Variants in C2CD3 observed in about 807,000 individuals in gnomAD.
C2CD3 encodes C2 domain-containing protein 3.
C2CD3 carries 148 observed loss-of-function variants against 234.0 expected under a neutral mutation model. The ratio of observed to expected loss-of-function variants is 0.63; its 90% confidence interval spans 0.55 to 0.72. The LOEUF is 0.72. C2CD3 is among the 30% of genes least tolerant of loss of function. C2CD3 has a pLI of 0.00. For synonymous variants in C2CD3, 1,000 were observed against 1,035.4 expected, an observed-to-expected ratio of 0.97 and a Z score of 0.66; for missense variants, 2,577 against 2,811.5, an observed-to-expected ratio of 0.92 and a Z score of 1.89.
intron 7 of C2CD3, 37 bp from the exon 8 acceptor site, chr11:74,123,172 T>C (rs370419950): frequency 1.4e-4 from 218 of 1,546,620 alleles, no homozygotes; most frequent in Non-Finnish European, 1.8e-4. Context: ...AGAATTTTAA[T>C]AGAAGTTTCA....
chr11:74,108,311 C>A (rs1565302857), intron 12 of C2CD3, among the ~76,000 whole-genome samples: 1 of 151,718 alleles, frequency 6.6e-6, no homozygotes, highest in Non-Finnish European at 1.5e-5. Flanking sequence ...CAAAAAGGAC[C>A]TGTATTGTAT....
rs1020455290 is a variant in C2CD3, at chr11:74,074,353, G to A, written c.4851C>T (p.Thr1617=). The A allele has an allele frequency of 5.6e-6, 9 of 1,614,210 alleles. No individual in the cohort carries two copies. Among genetic ancestry groups the A allele is most frequent in the Non-Finnish European group, 6.8e-6 (8 of 1,180,040 alleles). The change falls in exon 24 of 33, where the codon ACC becomes ACT. Residue 1617 remains threonine, a synonymous_variant. Transcript: ENST00000334126. ...CCTGCGTCAGGCGGACTTCAGCTGTGGTGCTGCTGCAGGGGACCTGGGTGG... is the reference window on the plus strand; with the variant it reads ...CCTGCGTCAGGCGGACTTCAGCTGTAGTGCTGCTGCAGGGGACCTGGGTGG... ...PASTQVPCSS[T]TAEVRLTQEG... is the part of the protein sequence containing the mutation.
At chr11:74,045,554 T>G (rs1019950559) in intron 28 of C2CD3, among the ~76,000 whole-genome samples, 8 of 139,528 alleles carry the variant, frequency 5.7e-5, no homozygotes, top group Non-Finnish European at 1.1e-4. Context: ...ATTTAGACCT[T>G]TTTCAATTTT....
intron 20 of C2CD3, 21 bp downstream of exon 20, chr11:74,090,792 G>C (rs1955860554): frequency 6.2e-7 from 1 of 1,613,672 alleles, no homozygotes; most frequent in Non-Finnish European, 8.5e-7. Context: ...CTTGAGAATT[G>C]CTTGTCTCAG....
In C2CD3 at chr11:74,123,125, A is replaced by C. The variant is rs1265814375; in HGVS notation, c.1228T>G (p.Ser410Ala). The C allele has an allele frequency of 1.2e-6, 2 of 1,612,676 alleles. No individual in the cohort carries two copies. Among genetic ancestry groups the C allele is most frequent in the Non-Finnish European group, 1.7e-6 (2 of 1,178,718 alleles). ...AGCCCATCCCAGAAATTGCCTTGGG[A>C]TAATTCAGCACTGCAGAGATAAGAA... is the stretch of plus-strand genomic sequence containing the variant. ...IQLLLGSAEL[S>A]QGNFWDGLGS... is the part of the protein sequence containing the mutation. Residue 410 changes from serine (S) to alanine (A), a missense_variant, in exon 8 of 33, where the codon TCC becomes GCC. Ser to Ala is a moderately conservative substitution (Grantham distance 99). Coordinates refer to ENST00000334126, the MANE Select transcript of C2CD3 (RefSeq NM_001286577.2).
intron 3 of C2CD3, among the ~76,000 whole-genome samples, chr11:74,149,350 T>A (rs969517382): frequency 3.0e-5 from 4 of 135,406 alleles, no homozygotes; most frequent in African/African-American, 9.4e-5. Context: ...TTTTCTCATT[T>A]GCTTAGTTAA....
chr11:74,145,161 T>C (rs1015992725), intron 3 of C2CD3, among the ~76,000 whole-genome samples: 1 of 152,202 alleles, frequency 6.6e-6, no homozygotes, highest in Admixed American at 6.5e-5. Flanking sequence ...TCCAGAACGG[T>C]TGAACTGATT....
chr11:74,085,841 G>C lies in C2CD3; in HGVS notation c.3687C>G (p.Val1229=). The C allele has an allele frequency of 6.2e-7, 1 of 1,614,048 alleles. No individual in the cohort carries two copies. Among genetic ancestry groups the C allele is most frequent in the South Asian group, 1.1e-5 (1 of 91,062 alleles). The change falls in exon 21 of 33, where the codon GTC becomes GTG. Residue 1229 remains valine (V), a synonymous_variant. Transcript: ENST00000334126. ...REPALQFSAT[V]GVNASVTTHL... is the part of the protein sequence containing the mutation. ...GAGTGGTGACAGAGGCATTGACCCC[G>C]ACTGTGGCACTAAACTGTAGAGCGG...
At chr11:74,169,197 C>T (rs1299247114) in intron 1 of C2CD3, among the ~76,000 whole-genome samples, 2 of 152,230 alleles carry the variant, frequency 1.3e-5, no homozygotes, top group Non-Finnish European at 2.9e-5. Context: ...ATCACACAGT[C>T]AGTGAGGACA....
chr11:74,075,389 G>A (rs1455086886), intron 23 of C2CD3, among the ~76,000 whole-genome samples: 1 of 151,814 alleles, frequency 6.6e-6, no homozygotes, highest in East Asian at 1.9e-4. Context: ...GGGGAAGTAG[G>A]AGGTTAGCAG....
At chr11:74,117,053 T>C (rs1199347687) in intron 9 of C2CD3, among the ~76,000 whole-genome samples, 1 of 68,384 alleles carries the variant, frequency 1.5e-5, no homozygotes, top group Admixed American at 1.7e-4. Context: ...TGTGTGTATA[T>C]ATATATGAAT....
In C2CD3 at chr11:74,139,674, C is replaced by T. The variant is rs143151408; in HGVS notation, c.638G>A (p.Arg213His). The change falls in exon 4 of 33, where the codon CGC (arginine) becomes CAC (histidine). Residue 213 changes from arginine (R) to histidine (H), a missense_variant. Physicochemically the swap from Arg to His is conservative, Grantham distance 29 (BLOSUM62 0). Coordinates refer to ENST00000334126, the MANE Select transcript of C2CD3 (RefSeq NM_001286577.2). ...STQFQVPSRP[R>H]DIHTIKIDGK... is the part of the protein sequence containing the mutation. ...ATCAATTTTGATGGTATGTATGTCG[C>T]GAGGCCTTGATGGAACCTGAAACTG... 521 of 1,613,906 alleles carry T rather than the reference C, an allele frequency of 3.2e-4. 2 individuals are homozygous for T. The African/African-American group carries it at 6.0e-3, about 19-fold the overall frequency.
Position 74,078,725 on chromosome 11 carries a change from G to A in C2CD3, c.4001-8C>T, listed in dbSNP as rs377660212. 35 of 1,570,276 alleles carry A rather than the reference G, an allele frequency of 2.2e-5. No homozygotes were observed. The highest frequency in any genetic ancestry group is 2.8e-5 in the Non-Finnish European group (33 of 1,163,010). ...GATACCATCCTGTGATCCCTTACGG[G>A]AGAAAATAAAGATTCTCAATTATAG... On this transcript the variant is annotated splice_polypyrimidine_tract_variant and splice_region_variant and intron_variant, in intron 22 of 32. Coordinates refer to ENST00000334126, the MANE Select transcript of C2CD3 (RefSeq NM_001286577.2).
chr11:74,154,801 G>C (rs1182112506), intron 3 of C2CD3, among the ~76,000 whole-genome samples: 1 of 151,802 alleles, frequency 6.6e-6, no homozygotes, highest in Non-Finnish European at 1.5e-5. Flanking sequence ...GTGAACTCCT[G>C]AAGAAGATAA....
At chr11:74,050,500 T>C (rs919616149) in intron 26 of C2CD3, among the ~76,000 whole-genome samples, 8 of 152,252 alleles carry the variant, frequency 5.3e-5, no homozygotes, top group African/African-American at 1.9e-4. Flanking sequence ...CACAGGTCTC[T>C]GTCACTCCAT....
At chr11:74,048,452 T>C (rs1223265695) in intron 27 of C2CD3, 114 bp from the exon 28 acceptor site, 2 of 1,070,428 alleles carry the variant, frequency 1.9e-6, no homozygotes, top group Non-Finnish European at 2.7e-6. Context: ...ACTGAATACT[T>C]TGTGTTAAAC....
At chr11:74,052,587 G>C (rs1020088978) in intron 26 of C2CD3, among the ~76,000 whole-genome samples, 7 of 152,208 alleles carry the variant, frequency 4.6e-5, no homozygotes, top group Non-Finnish European at 1.0e-4. Context: ...AGAGAGAAGA[G>C]AGAAAAAGCC....
chr11:74,169,408 G>T (rs1359376063), intron 1 of C2CD3, among the ~76,000 whole-genome samples: 1 of 152,154 alleles, frequency 6.6e-6, no homozygotes, highest in African/African-American at 2.4e-5. Context: ...ACTTAAAGGA[G>T]ATTTAAGAAA....
chr11:74,107,021 A>G (rs1956549570), intron 12 of C2CD3, among the ~76,000 whole-genome samples: 2 of 152,294 alleles, frequency 1.3e-5, no homozygotes, highest in South Asian at 4.1e-4. Flanking sequence ...GGGAATTTGT[A>G]CTAAAGAAAT....
Sources: allele counts gnomAD v4.1 joint callset (sites outside exome capture counted in the v4.1 genomes callset), GRCh38; gene constraint gnomAD v4.1.1; transcripts MANE v1.5; gene names NCBI Gene and HGNC (gene_info 2026-07-23, HGNC 2026-07-21).